The following ANP32B variants were observed in gnomAD, a reference collection of about 807,000 sequenced individuals.
ANP32B encodes the protein acidic leucine-rich nuclear phosphoprotein 32 family member B.
ANP32B carries 6 observed loss-of-function variants against 32.2 expected under a neutral mutation model. That is an observed-to-expected ratio of 0.19 (90% CI 0.10 to 0.37). The LOEUF is 0.37. Among genes scored for constraint, ANP32B ranks in the 10% least tolerant of loss-of-function variants. The pLI, the probability that ANP32B is intolerant of heterozygous loss-of-function variation, is 1.00. For missense variants in ANP32B, 204 were observed against 289.2 expected, an observed-to-expected ratio of 0.71 and a Z score of 2.14; for synonymous variants, 98 against 105.8, an observed-to-expected ratio of 0.93 and a Z score of 0.45.
chr9:98,001,851 T>TAA (rs940444775), intron 3 of ANP32B, among the ~76,000 whole-genome samples: 4 of 145,124 alleles, frequency 2.8e-5, no homozygotes, highest in African/African-American at 7.6e-5. Flanking sequence ...TTAGTAATTG[T>TAA]AAAAAAAAAA....
intron 3 of ANP32B, among the ~76,000 whole-genome samples, 160 bp downstream of exon 3, chr9:97,998,838 C>T (rs1187428880): frequency 6.4e-5 from 1 of 15,522 alleles, no homozygotes; most frequent in Non-Finnish European, 9.5e-5. Context: ...GACGGAGTCT[C>T]GCTCTGTCGC....
chr9:98,012,243 C>T (rs955314399), intron 5 of ANP32B, among the ~76,000 whole-genome samples, 178 bp from the exon 6 acceptor site: 2 of 152,054 alleles, frequency 1.3e-5, no homozygotes, highest in African/African-American at 2.4e-5. Flanking sequence ...TTATAAAGCT[C>T]GTTAAGGAAA....
chr9:97,985,770 T>A (rs1290823894), intron 1 of ANP32B, among the ~76,000 whole-genome samples: 1 of 152,230 alleles, frequency 6.6e-6, no homozygotes, highest in African/African-American at 2.4e-5. Context: ...ATATATGAAG[T>A]AATATTGCTT....
At chr9:97,985,134 G>T (rs2131578404) in intron 1 of ANP32B, among the ~76,000 whole-genome samples, 1 of 151,660 alleles carries the variant, frequency 6.6e-6, no homozygotes, top group Admixed American at 6.6e-5. Flanking sequence ...CGGGCCAGTG[G>T]CTTTCCCGCG....
At chr9:97,995,925 C>T (rs960766852) in intron 2 of ANP32B, among the ~76,000 whole-genome samples, 14 of 123,032 alleles carry the variant, frequency 1.1e-4, no homozygotes, top group Non-Finnish European at 1.9e-4. Context: ...GACTCTGTCT[C>T]GATTTAAAAA....
intron 1 of ANP32B, among the ~76,000 whole-genome samples, chr9:97,990,623 T>C (rs545722307): frequency 1.3e-5 from 2 of 152,312 alleles, no homozygotes; most frequent in South Asian, 2.1e-4. Flanking sequence ...CAGTATATCT[T>C]ATTGCCTCTT....
At chr9:98,011,234 G>A (rs1364961094) in intron 4 of ANP32B, 37 bp from the exon 5 acceptor site, 24 of 1,548,038 alleles carry the variant, frequency 1.6e-5, no homozygotes, top group Middle Eastern at 1.7e-4. Context: ...GTGGAGCGTC[G>A]AGGATATTTA....
intron 3 of ANP32B, 25 bp downstream of exon 3, chr9:97,998,703 T>C: frequency 6.6e-7 from 1 of 1,524,930 alleles, no homozygotes; most frequent in South Asian, 1.3e-5. Flanking sequence ...ATTTGGAAAC[T>C]GGAACTTACT....
At chr9:97,996,960 A>G (rs969016303) in intron 2 of ANP32B, among the ~76,000 whole-genome samples, 2 of 152,170 alleles carry the variant, frequency 1.3e-5, no homozygotes, top group Non-Finnish European at 2.9e-5. Flanking sequence ...AATGTCACAA[A>G]TTTTCTAAAT....
chr9:98,013,762 G>A (rs147693789), intron 6 of ANP32B, among the ~76,000 whole-genome samples: 76 of 152,092 alleles, frequency 5.0e-4, no homozygotes, highest in South Asian at 1.2e-3. Flanking sequence ...AGTCAGGCGT[G>A]GTGGCACGCA....
intron 4 of ANP32B, among the ~76,000 whole-genome samples, chr9:98,010,262 GTTTTTT>G (rs10709205): frequency 2.2e-5 from 3 of 138,832 alleles, no homozygotes; most frequent in Non-Finnish European, 4.7e-5. Flanking sequence ...GAGAAATGGT[GTTTTTT>G]TTTTTTTGTT....
chr9:98,003,666 C>G (rs890020829), intron 3 of ANP32B, among the ~76,000 whole-genome samples: 4 of 152,232 alleles, frequency 2.6e-5, no homozygotes, highest in Admixed American at 2.0e-4. Flanking sequence ...TGCATTTCTT[C>G]TCAGGTCCTT....
intron 4 of ANP32B, among the ~76,000 whole-genome samples, chr9:98,009,815 TAGA>T (rs1172186180): frequency 6.6e-6 from 1 of 152,144 alleles, no homozygotes; most frequent in Admixed American, 6.5e-5. Flanking sequence ...ATCAAGAAAA[TAGA>T]GGAGGAAAAG....
At chr9:97,983,670 C>T in intron 1 of ANP32B, 61 bp downstream of exon 1, 3 of 1,356,242 alleles carry the variant, frequency 2.2e-6, no homozygotes, top group South Asian at 1.3e-5. Context: ...TGGTGGCCAC[C>T]TGCGGGGCCC....
Position 97,983,397 on chromosome 9 carries a change from G to C in ANP32B, c.-159G>C. ...TGAGTAACTTGGCTCCGGGGGCTCC[G>C]CTCGCCTGCCCGCACGCCGCCCGCC... On this transcript the variant is annotated 5_prime_UTR_variant, in exon 1 of 7. Transcript: ENST00000339399. 1 of 591,626 alleles carries C rather than the reference G, an allele frequency of 1.7e-6. No individual in the cohort carries two copies. Among genetic ancestry groups the C allele is most frequent in the Non-Finnish European group, 2.9e-6 (1 of 341,110 alleles). 36.6% of individuals were successfully genotyped at this position (591,626 alleles called of 1,614,324 possible). A position where few individuals can be genotyped will look rare whatever the true frequency, so the allele number is the denominator to read the frequency against.
intron 3 of ANP32B, among the ~76,000 whole-genome samples, chr9:97,999,342 T>C (rs934586568): frequency 1.3e-5 from 2 of 152,246 alleles, no homozygotes; most frequent in African/African-American, 4.8e-5. Flanking sequence ...CAAGCCATTA[T>C]GTACTTTTAC....
At chr9:97,994,521 G>A (rs1827875349) in intron 1 of ANP32B, 110 bp from the exon 2 acceptor site, 1 of 1,021,018 alleles carries the variant, frequency 9.8e-7, no homozygotes, top group Non-Finnish European at 1.4e-6. Flanking sequence ...GTAAGAGGCT[G>A]CCTGTATATA....
Position 97,983,381 on chromosome 9 carries a change from T to C in ANP32B, c.-175T>C, listed in dbSNP as rs1827627891. ...TTTCTCTCCGCTCCCGTGAGTAACT[T>C]GGCTCCGGGGGCTCCGCTCGCCTGC... is the stretch of plus-strand genomic sequence containing the variant. On this transcript the variant is annotated 5_prime_UTR_variant, in exon 1 of 7. Transcript: ENST00000339399. 2 of 563,938 alleles carry C rather than the reference T, an allele frequency of 3.5e-6. No individual in the cohort carries two copies. The highest frequency in any genetic ancestry group is 6.3e-6 in the Non-Finnish European group (2 of 318,032). 34.9% of individuals were successfully genotyped at this position (563,938 alleles called of 1,614,324 possible).
chr9:97,994,339 G>C (rs547094308), intron 1 of ANP32B, among the ~76,000 whole-genome samples: 1 of 152,236 alleles, frequency 6.6e-6, no homozygotes, highest in Non-Finnish European at 1.5e-5. Context: ...AGAAATAAGG[G>C]GAATACGCTT....
Sources: gnomAD v4.1 joint callset for allele counts (sites outside exome capture counted in the v4.1 genomes callset) on GRCh38, gnomAD v4.1.1 for gene constraint, MANE v1.5 for transcripts, NCBI Gene and HGNC (gene_info 2026-07-23, HGNC 2026-07-21) for gene names.